Variants in USP32 observed in about 807,000 individuals in gnomAD.
USP32 encodes ubiquitin carboxyl-terminal hydrolase 32.
A neutral mutation model predicts 204.8 loss-of-function variants in USP32; 59 were observed. The observed-to-expected ratio is 0.29, with a 90% CI of 0.23 to 0.36. The LOEUF is 0.36. Among genes scored for constraint, USP32 ranks in the 10% least tolerant of loss-of-function variants. USP32 has a pLI of 1.00. For missense variants in USP32, 1,160 were observed against 1,946.4 expected, an observed-to-expected ratio of 0.60 and a Z score of 7.60; for synonymous variants, 517 against 678.4, an observed-to-expected ratio of 0.76 and a Z score of 3.70.
chr17:60,372,787 G>A (rs962201094), intron 1 of USP32, among the ~76,000 whole-genome samples: 11 of 150,238 alleles, frequency 7.3e-5, no homozygotes, highest in Non-Finnish European at 3.0e-5. Context: ...AAGAGGTCCA[G>A]GCTGCAGTGA....
rs368288136 is a variant in USP32, at chr17:60,321,118, G to A, written c.187-19414C>T. Among the ~76,000 whole-genome samples, 201 of 152,266 alleles carry A rather than the reference G, an allele frequency of 1.3e-3. 1 individual carries two copies. Among genetic ancestry groups the A allele is most frequent in the African/African-American group, 4.5e-3 (188 of 41,540 alleles). On this transcript the variant is annotated intron_variant, in intron 2 of 33. Coordinates refer to ENST00000300896, the MANE Select transcript of USP32 (RefSeq NM_032582.4). ...AAATAGAAAGTAAAAAGAATATTGA[G>A]GAGAGGAAGAAGCTCAGGAAAGTTG...
chr17:60,380,629 A>G (rs2089631392), intron 1 of USP32, among the ~76,000 whole-genome samples: 2 of 152,212 alleles, frequency 1.3e-5, no homozygotes, highest in East Asian at 3.9e-4. Flanking sequence ...CTTAATGCTT[A>G]TTGTAGAGAA....
At chr17:60,411,659 A>G (rs1021356293) in intron 1 of USP32, among the ~76,000 whole-genome samples, 1 of 151,858 alleles carries the variant, frequency 6.6e-6, no homozygotes, top group Admixed American at 6.6e-5. Flanking sequence ...ACAGGCATGC[A>G]CCACCATGTA....
Position 60,206,027 on chromosome 17 carries a change from A to G in USP32, c.3038-369T>C, listed in dbSNP as rs575130217. Among the ~76,000 whole-genome samples, 137 of 152,180 alleles carry G rather than the reference A, an allele frequency of 9.0e-4. 1 individual carries two copies. In the South Asian group the frequency reaches 0.014, roughly 16 times the overall value. On this transcript the variant is annotated intron_variant, in intron 25 of 33. Transcript: ENST00000300896. ...ACCTCTACCCAGATGTTGCATTTAA[A>G]ATTTAAATTAGGCTGGATGAGGCAG...
chr17:60,368,877 G>C (rs2089373770), intron 1 of USP32, among the ~76,000 whole-genome samples: 2 of 151,536 alleles, frequency 1.3e-5, no homozygotes, highest in South Asian at 4.1e-4. Context: ...TGCAATCCAA[G>C]TTTCTCTGAG....
intron 5 of USP32, among the ~76,000 whole-genome samples, chr17:60,280,293 C>T (rs1252587272): frequency 6.6e-6 from 1 of 152,036 alleles, no homozygotes; most frequent in African/African-American, 2.4e-5. Context: ...GACGGGGTTT[C>T]ACCATGTTGC....
At chr17:60,187,582 A>G (rs2145389570) in intron 29 of USP32, among the ~76,000 whole-genome samples, 1 of 152,360 alleles carries the variant, frequency 6.6e-6, no homozygotes, top group South Asian at 2.1e-4. Context: ...TCTACCAGGA[A>G]TACTTTATGG....
At chr17:60,294,077 C>G (rs2087358628) in intron 4 of USP32, among the ~76,000 whole-genome samples, 1 of 151,964 alleles carries the variant, frequency 6.6e-6, no homozygotes, top group Non-Finnish European at 1.5e-5. Flanking sequence ...ATGACTTTCC[C>G]CACCCTCTGG....
chr17:60,382,380 CCCA>C (rs1179460486), intron 1 of USP32, among the ~76,000 whole-genome samples: 3 of 152,132 alleles, frequency 2.0e-5, no homozygotes, highest in Non-Finnish European at 4.4e-5. Flanking sequence ...ACCTGTAGTC[CCCA>C]CAATTCGGGA....
chr17:60,179,169 G>T lies in USP32; in HGVS notation c.*86C>A. Reference sequence around the variant, plus strand: ...AGGATAAAATAACTACATTTAGCTTGCCTTTCAGTGACGCTTTTGCCAAAT... The same window carrying T: ...AGGATAAAATAACTACATTTAGCTTTCCTTTCAGTGACGCTTTTGCCAAAT... On this transcript the variant is annotated 3_prime_UTR_variant, in exon 34 of 34. Coordinates refer to ENST00000300896, the MANE Select transcript of USP32 (RefSeq NM_032582.4). 2 of 1,436,950 alleles carry T rather than the reference G, an allele frequency of 1.4e-6. No individual in the cohort carries two copies. Among genetic ancestry groups the T allele is most frequent in the Non-Finnish European group, 1.9e-6 (2 of 1,059,296 alleles). The allele number at this position is 1,436,950 out of a possible 1,614,324, so 89.0% of individuals were successfully genotyped here. A position where few individuals can be genotyped will look rare whatever the true frequency, so the allele number is the denominator to read the frequency against.
chr17:60,271,978 A>G (rs1490768814), intron 5 of USP32, among the ~76,000 whole-genome samples: 1 of 151,984 alleles, frequency 6.6e-6, no homozygotes, highest in Non-Finnish European at 1.5e-5. Flanking sequence ...CATCCAGCTA[A>G]TTTTTTAAAA....
At chr17:60,283,637 C>T (rs564439924) in intron 5 of USP32, among the ~76,000 whole-genome samples, 16 of 148,938 alleles carry the variant, frequency 1.1e-4, no homozygotes, top group African/African-American at 3.4e-4. Context: ...TACTATCAAC[C>T]AGGATATAAA....
intron 1 of USP32, among the ~76,000 whole-genome samples, chr17:60,408,445 T>G (rs2089995194): frequency 6.6e-6 from 1 of 151,944 alleles, no homozygotes; most frequent in African/African-American, 2.4e-5. Flanking sequence ...TGGCACGATC[T>G]TGGCTCACTG....
chr17:60,394,487 C>A (rs1055239362), upstream of USP32, among the ~76,000 whole-genome samples: 5 of 152,134 alleles, frequency 3.3e-5, no homozygotes, highest in African/African-American at 1.2e-4. Flanking sequence ...AAAGACAGGA[C>A]TAGAGTTGCA....
At chr17:60,351,101 G>T (rs1316173130) in intron 1 of USP32, among the ~76,000 whole-genome samples, 2 of 151,988 alleles carry the variant, frequency 1.3e-5, no homozygotes, top group Admixed American at 6.6e-5. Flanking sequence ...GCTCAGAAAT[G>T]GATGGTACCA....
intron 11 of USP32, among the ~76,000 whole-genome samples, chr17:60,237,859 T>C (rs1046437268): frequency 3.9e-5 from 6 of 152,242 alleles, no homozygotes; most frequent in African/African-American, 1.4e-4. Context: ...TGTTTCTACC[T>C]TTTGGCTATT....
At chr17:60,357,209 G>C (rs2089099370) in intron 1 of USP32, among the ~76,000 whole-genome samples, 1 of 152,214 alleles carries the variant, frequency 6.6e-6, no homozygotes, top group Non-Finnish European at 1.5e-5. Flanking sequence ...CCAGAACTCT[G>C]AGTGGTCCAG....
chr17:60,361,186 A>G (rs1393402530), intron 1 of USP32, among the ~76,000 whole-genome samples: 4 of 152,064 alleles, frequency 2.6e-5, no homozygotes, highest in African/African-American at 9.7e-5. Flanking sequence ...ACATACCACT[A>G]CCATAAAATC....
intron 30 of USP32, among the ~76,000 whole-genome samples, chr17:60,184,809 C>CAAAAAAA (rs35566339): frequency 1.3e-5 from 1 of 78,506 alleles, no homozygotes. Context: ...GACCCTGTCT[C>CAAAAAAA]AAAAAAAAAA....
Sources: gnomAD v4.1 joint callset for allele counts (sites outside exome capture counted in the v4.1 genomes callset) on GRCh38, gnomAD v4.1.1 for gene constraint, MANE v1.5 for transcripts, NCBI Gene and HGNC (gene_info 2026-07-23, HGNC 2026-07-21) for gene names.